Variants in CADM1 observed in about 807,000 individuals in gnomAD.
The protein encoded by CADM1 is cell adhesion molecule 1.
Under a neutral mutation model 53.1 loss-of-function variants are expected in CADM1, and 15 were observed. The ratio of observed to expected loss-of-function variants is 0.28; its 90% CI spans 0.19 to 0.44. CADM1 has a LOEUF of 0.44. Among genes scored for constraint, CADM1 ranks in the 20% least tolerant of loss-of-function variants. The pLI, the probability that CADM1 is intolerant of heterozygous loss-of-function variation, is 1.00. For synonymous variants in CADM1, 281 were observed against 243.0 expected (o/e 1.16, Z -1.45); for missense variants, 434 against 611.3 (o/e 0.71, Z 3.06).
chr11:115,474,290 C>CAAAAAA (rs60168853), intron 1 of CADM1, among the ~76,000 whole-genome samples: 1 of 20,214 alleles, frequency 4.9e-5, no homozygotes, highest in African/African-American at 1.8e-4. Flanking sequence ...GACTCCATCT[C>CAAAAAA]AAAAAAAAAA....
At chr11:115,418,645 C>G (rs1947673682) in intron 1 of CADM1, among the ~76,000 whole-genome samples, 1 of 152,122 alleles carries the variant, frequency 6.6e-6, no homozygotes, top group Admixed American at 6.5e-5. Flanking sequence ...TGTCAAAGAG[C>G]CTATAGCCCA....
At chr11:115,459,610 G>A (rs181704127) in intron 1 of CADM1, among the ~76,000 whole-genome samples, 4 of 152,252 alleles carry the variant, frequency 2.6e-5, no homozygotes, top group African/African-American at 9.6e-5. Flanking sequence ...TTCCCTGCTG[G>A]CAGTCCAGTC....
chr11:115,224,777 C>T (rs777794667), intron 5 of CADM1, among the ~76,000 whole-genome samples: 3 of 152,284 alleles, frequency 2.0e-5, no homozygotes, highest in South Asian at 2.1e-4. Flanking sequence ...TTTCTCTTAA[C>T]GCTCAGACAG....
intron 5 of CADM1, among the ~76,000 whole-genome samples, chr11:115,225,578 C>T (rs1941575674): frequency 6.6e-6 from 1 of 152,108 alleles, no homozygotes; most frequent in Admixed American, 6.6e-5. Context: ...AACAAACAAA[C>T]ACTGCAAAAT....
At chr11:115,450,030 T>C (rs1948537390) in intron 1 of CADM1, among the ~76,000 whole-genome samples, 1 of 151,988 alleles carries the variant, frequency 6.6e-6, no homozygotes, top group South Asian at 2.1e-4. Context: ...CTCCTCACTC[T>C]AAAAACCTGC....
Position 115,195,852 on chromosome 11 carries a change from A to G in CADM1, c.1111+2554T>C, listed in dbSNP as rs570407112. Among the ~76,000 whole-genome samples, 6 of 152,356 alleles carry G rather than the reference A, an allele frequency of 3.9e-5. No homozygotes were observed. The South Asian group carries it at 1.2e-3, about 32-fold the overall frequency. On this transcript the variant is annotated intron_variant, in intron 9 of 11. Coordinates refer to ENST00000331581, the MANE Select transcript of CADM1 (RefSeq NM_001301043.2). ...CTGTGGGTTAAAGAGTATGCTCTTT[A>G]AAACAGTGGCTGGAGCCCTTTGTGA... is the stretch of plus-strand genomic sequence containing the variant.
chr11:115,429,633 A>G (rs1443257225), intron 1 of CADM1, among the ~76,000 whole-genome samples: 1 of 152,106 alleles, frequency 6.6e-6, no homozygotes, highest in African/African-American at 2.4e-5. Context: ...TTTAAGTAAC[A>G]TTGAAATCAA....
intron 1 of CADM1, among the ~76,000 whole-genome samples, chr11:115,323,060 T>G (rs968370463): frequency 6.6e-6 from 1 of 152,092 alleles, no homozygotes; most frequent in Non-Finnish European, 1.5e-5. Context: ...TAGCAACATA[T>G]AAGAGCTCCA....
chr11:115,418,276 G>T (rs1347205957), intron 1 of CADM1, among the ~76,000 whole-genome samples: 3 of 152,112 alleles, frequency 2.0e-5, no homozygotes, highest in South Asian at 2.1e-4. Flanking sequence ...AGGGTATAAG[G>T]GGAGTGGAAC....
At chr11:115,366,532 A>G (rs147354894) in intron 1 of CADM1, among the ~76,000 whole-genome samples, 1 of 152,290 alleles carries the variant, frequency 6.6e-6, no homozygotes, top group Non-Finnish European at 1.5e-5. Flanking sequence ...GAGAGTTGCT[A>G]ATTTTTTCCT....
chr11:115,354,781 T>C (rs1945821345), intron 1 of CADM1, among the ~76,000 whole-genome samples: 1 of 152,140 alleles, frequency 6.6e-6, no homozygotes, highest in Non-Finnish European at 1.5e-5. Context: ...GATAACCACC[T>C]TCAGAGTGAT....
chr11:115,244,580 T>C (rs539849881), intron 1 of CADM1, among the ~76,000 whole-genome samples: 1 of 152,128 alleles, frequency 6.6e-6, no homozygotes, highest in Non-Finnish European at 1.5e-5. Flanking sequence ...GACAGAGCGA[T>C]TTAAATAAAC....
intron 1 of CADM1, among the ~76,000 whole-genome samples, chr11:115,414,010 A>C (rs1947528522): frequency 6.6e-6 from 1 of 152,136 alleles, no homozygotes. Flanking sequence ...GTCTCATGAT[A>C]TCACACTCAT....
At chr11:115,365,023 G>A (rs1946122966) in intron 1 of CADM1, among the ~76,000 whole-genome samples, 2 of 152,170 alleles carry the variant, frequency 1.3e-5, no homozygotes, top group South Asian at 4.1e-4. Context: ...ATGAAGCGAT[G>A]ATGATGTCCA....
At chr11:115,187,939 G>A (rs957239052) in intron 10 of CADM1, among the ~76,000 whole-genome samples, 1 of 152,170 alleles carries the variant, frequency 6.6e-6, no homozygotes, top group African/African-American at 2.4e-5. Context: ...TTGTCTGTAG[G>A]ACAAGAGCTG....
At chr11:115,482,740 C>A (rs1160997925) in intron 1 of CADM1, among the ~76,000 whole-genome samples, 2 of 152,136 alleles carry the variant, frequency 1.3e-5, no homozygotes, top group East Asian at 3.8e-4. Context: ...CTCACAGAAT[C>A]TGGAAGATAT....
intron 1 of CADM1, among the ~76,000 whole-genome samples, chr11:115,477,571 T>C (rs1220692466): frequency 6.6e-6 from 1 of 152,232 alleles, no homozygotes; most frequent in Non-Finnish European, 1.5e-5. Flanking sequence ...ACAGATATCA[T>C]CACTGTATTG....
chr11:115,481,093 G>C (rs1949248470), intron 1 of CADM1, among the ~76,000 whole-genome samples: 1 of 151,946 alleles, frequency 6.6e-6, no homozygotes, highest in Non-Finnish European at 1.5e-5. Flanking sequence ...ATTTCTCTAA[G>C]TTCTACACCT....
intron 1 of CADM1, among the ~76,000 whole-genome samples, chr11:115,502,318 G>GC (rs1332727366): frequency 4.6e-5 from 4 of 87,046 alleles, no homozygotes; most frequent in Non-Finnish European, 9.1e-5. Context: ...GCTTTCCACC[G>GC]CCCCCCGGCT....
Sources: allele counts gnomAD v4.1 joint callset (sites outside exome capture counted in the v4.1 genomes callset), GRCh38; gene constraint gnomAD v4.1.1; transcripts MANE v1.5; gene names NCBI Gene and HGNC (gene_info 2026-07-23, HGNC 2026-07-21).